GPR149: variants seen among roughly 807,000 people sequenced by gnomAD.
GPR149 encodes the protein probable G protein-coupled receptor 149.
In GPR149, 50 loss-of-function variants were observed where a neutral mutation model predicts 50.2. The observed-to-expected ratio is 1.00, with a 90% CI of 0.79 to 1.26. The LOEUF (loss-of-function observed/expected upper bound fraction) is 1.26, where lower values mean the gene tolerates loss of function less well. Ranked by LOEUF, GPR149 falls within the 50% of genes most tolerant of loss-of-function variation. The probability of loss-of-function intolerance (pLI) is 0.00; values close to 1 mark genes in which losing one functional copy is unlikely to be tolerated. For missense variants in GPR149, 983 were observed against 895.4 expected (o/e 1.10, Z -1.25); for synonymous variants, 405 against 358.2 (o/e 1.13, Z -1.48).
intron 3 of GPR149, chr3:154,353,640 T>A: frequency 7.3e-7 from 1 of 1,364,902 alleles, no homozygotes; most frequent in South Asian, 1.2e-5. Context: ...AGTTTTATCT[T>A]TGAAGTCTTT....
In GPR149 at chr3:154,427,585, G is replaced by A; in HGVS notation, c.1105C>T (p.His369Tyr). The A allele has an allele frequency of 6.2e-7, 1 of 1,614,152 alleles. No homozygotes were observed. Among genetic ancestry groups the A allele is most frequent in the Non-Finnish European group, 8.5e-7 (1 of 1,180,006 alleles). Residue 369 changes from histidine to tyrosine, a missense_variant, in exon 2 of 4, where the codon CAC becomes TAC. By Grantham distance (83) the His-to-Tyr change is moderately conservative. Coordinates refer to ENST00000389740, the MANE Select transcript of GPR149 (RefSeq NM_001038705.3). ...TTGATGATGCAGCCACAGGGCAAGT[G>A]GGTCCAGCGTTTGGACAAGACAAAC... ...PVFVLSKRWTHLPCGCIINCR... is the reference protein window; with the variant it reads ...PVFVLSKRWTYLPCGCIINCR...
chr3:154,381,694 G>T (rs2108406910), intron 3 of GPR149, among the ~76,000 whole-genome samples: 1 of 152,208 alleles, frequency 6.6e-6, no homozygotes, highest in South Asian at 2.1e-4. Flanking sequence ...TAGGATGTTT[G>T]GTGGAACTAC....
chr3:154,406,048 A>G (rs922772243), intron 3 of GPR149, among the ~76,000 whole-genome samples: 2 of 152,074 alleles, frequency 1.3e-5, no homozygotes, highest in Non-Finnish European at 2.9e-5. Context: ...TATTTCTAAT[A>G]TGTAAAGAAC....
intron 3 of GPR149, among the ~76,000 whole-genome samples, chr3:154,339,205 G>A (rs989649609): frequency 6.6e-6 from 1 of 152,236 alleles, no homozygotes; most frequent in Admixed American, 6.5e-5. Context: ...CAGAAATACA[G>A]GTTTTTAGCA....
intron 3 of GPR149, among the ~76,000 whole-genome samples, chr3:154,414,225 T>C (rs532743392): frequency 5.9e-5 from 9 of 151,938 alleles, no homozygotes; most frequent in Non-Finnish European, 1.2e-4. Context: ...ACTCGGGTGA[T>C]GGGTGCACCA....
chr3:154,357,774 G>A (rs1714275397), intron 3 of GPR149, among the ~76,000 whole-genome samples: 1 of 152,190 alleles, frequency 6.6e-6, no homozygotes, highest in Non-Finnish European at 1.5e-5. Context: ...ATTTGACCCA[G>A]CCATCCCATT....
In GPR149 at chr3:154,421,135, T is replaced by A. The variant is rs1478627519; in HGVS notation, c.1527A>T (p.Glu509Asp). 5.0e-6 allele frequency: 8 copies of A among 1,613,344 alleles called. No homozygotes were observed. The highest frequency in any genetic ancestry group is 6.8e-6 in the Non-Finnish European group (8 of 1,179,486). Reference protein sequence around the residue: ...DINYEETTFSEGPERRLSHEE... With the variant: ...DINYEETTFSDGPERRLSHEE... ...CATGAGACAGTCTTCTTTCTGGCCCTTCAGAAAAGGTAGTTTCTTCATAGT... is the reference window on the plus strand; with the variant it reads ...CATGAGACAGTCTTCTTTCTGGCCCATCAGAAAAGGTAGTTTCTTCATAGT... Residue 509 changes from glutamate (E) to aspartate (D), a missense_variant, in exon 3 of 4, where the codon GAA becomes GAT. Glu to Asp is a conservative substitution (Grantham distance 45). Coordinates refer to ENST00000389740, the MANE Select transcript of GPR149 (RefSeq NM_001038705.3).
chr3:154,426,436 T>C (rs1712303060), intron 2 of GPR149, among the ~76,000 whole-genome samples: 2 of 152,196 alleles, frequency 1.3e-5, no homozygotes, highest in Non-Finnish European at 2.9e-5. Context: ...TAAAATAGCC[T>C]GAGATGGACT....
At chr3:154,397,264 G>C (rs542713905) in intron 3 of GPR149, among the ~76,000 whole-genome samples, 2 of 152,270 alleles carry the variant, frequency 1.3e-5, no homozygotes, top group East Asian at 3.9e-4. Context: ...GGTCAGAAAA[G>C]ACCAGTCTAA....
intron 3 of GPR149, chr3:154,354,287 T>G (rs781431778): frequency 1.9e-5 from 7 of 372,308 alleles, no homozygotes; most frequent in Non-Finnish European, 3.6e-5. Context: ...GTTTAAATCT[T>G]CATAACAACC....
chr3:154,421,257 C>T lies in GPR149; in HGVS notation c.1405G>A (p.Gly469Ser). ...TCAGTATTTGTGCATTTGTTGATGCCTCTTTGTGTGGAGCTGTCCAGAGAG... is the reference window on the plus strand; with the variant it reads ...TCAGTATTTGTGCATTTGTTGATGCTTCTTTGTGTGGAGCTGTCCAGAGAG... ...TPSLDSSTQR[G>S]INKCTNTDIT... The change falls in exon 3 of 4, where the codon GGC becomes AGC. Residue 469 changes from glycine to serine, a missense_variant. Gly to Ser is a moderately conservative substitution (Grantham distance 56). Transcript: ENST00000389740. 1 of 1,613,300 alleles carries T rather than the reference C, an allele frequency of 6.2e-7. No individual in the cohort carries two copies. The highest frequency in any genetic ancestry group is 8.5e-7 in the Non-Finnish European group (1 of 1,179,532).
At chr3:154,414,335 T>A (rs1203002583) in intron 3 of GPR149, among the ~76,000 whole-genome samples, 1 of 151,840 alleles carries the variant, frequency 6.6e-6, no homozygotes, top group Non-Finnish European at 1.5e-5. Context: ...ATAAATAAAA[T>A]GTGTTTATGT....
chr3:154,427,486 C>T (rs761633885), intron 2 of GPR149, 30 bp downstream of exon 2: 22 of 1,557,864 alleles, frequency 1.4e-5, no homozygotes, highest in Admixed American at 3.8e-5. Flanking sequence ...ATGCATATTG[C>T]TGCCAATCAC....
intron 3 of GPR149, among the ~76,000 whole-genome samples, chr3:154,389,333 G>C (rs527324909): frequency 1.9e-3 from 293 of 152,238 alleles, no homozygotes; most frequent in African/African-American, 6.8e-3. Flanking sequence ...ACCAGCAAGA[G>C]AGACAAGGAC....
intron 3 of GPR149, among the ~76,000 whole-genome samples, chr3:154,381,212 C>A (rs917717407): frequency 1.3e-5 from 2 of 152,000 alleles, no homozygotes. Flanking sequence ...ACATGGATAC[C>A]CTTGGAGAAG....
In GPR149 at chr3:154,421,164, T is replaced by C. The variant is rs1303931230; in HGVS notation, c.1498A>G (p.Ile500Val). The C allele has an allele frequency of 1.2e-6, 2 of 1,613,502 alleles. No individual in the cohort carries two copies. Among genetic ancestry groups the C allele is most frequent in the African/African-American group, 2.7e-5 (2 of 75,002 alleles). Residue 500 changes from isoleucine to valine, a missense_variant, in exon 3 of 4, where the codon ATT (isoleucine) becomes GTT (valine). Physicochemically the swap from Ile to Val is conservative, Grantham distance 29. Transcript: ENST00000389740. ...GAAAAGGTAGTTTCTTCATAGTTAA[T>C]ATCACCTCCTGTTTTGTCAGAAAAC... ...DAFSDKTGGD[I>V]NYEETTFSEG... is the part of the protein sequence containing the mutation.
At position 154,374,169 on chromosome 3, in the gene GPR149, C is replaced by CTTTTCTTTT. The variant is rs1553764330; in HGVS notation, c.1624-35899_1624-35898insAAAAGAAAA. Among the ~76,000 whole-genome samples the CTTTTCTTTT allele has an allele frequency of 1.9e-3, 196 of 103,172 alleles. 1 individual carries two copies. Among genetic ancestry groups the CTTTTCTTTT allele is most frequent in the African/African-American group, 7.4e-3 (190 of 25,784 alleles). 67.7% of individuals were successfully genotyped at this position (103,172 alleles called of 152,430 possible). A position where few individuals can be genotyped will look rare whatever the true frequency, so the allele number is the denominator to read the frequency against. ...TTCTTTCTTTCTTTTCTTTTCTTTT[C>CTTTTCTTTT]TTTTTTTTTTTTTTTTGAGACAGAG... is the stretch of plus-strand genomic sequence containing the variant. On this transcript the variant is annotated intron_variant, in intron 3 of 3. Transcript: ENST00000389740.
chr3:154,397,007 A>C (rs1027723038), intron 3 of GPR149, among the ~76,000 whole-genome samples: 6 of 152,096 alleles, frequency 3.9e-5, no homozygotes, highest in African/African-American at 1.4e-4. Flanking sequence ...CAGCCTTGTA[A>C]CTTGGGTGTT....
chr3:154,409,991 G>C (rs915148801), intron 3 of GPR149, among the ~76,000 whole-genome samples: 1 of 152,172 alleles, frequency 6.6e-6, no homozygotes, highest in Non-Finnish European at 1.5e-5. Flanking sequence ...AAAGCATCAG[G>C]TAACATATAA....
Sources: allele counts gnomAD v4.1 joint callset (sites outside exome capture counted in the v4.1 genomes callset), GRCh38; gene constraint gnomAD v4.1.1; transcripts MANE v1.5; gene names NCBI Gene and HGNC (gene_info 2026-07-23, HGNC 2026-07-21).